Variants in STON1 observed in about 807,000 individuals in gnomAD.
STON1 encodes the protein stonin 1.
STON1 carries 79 observed loss-of-function variants against 60.9 expected under a neutral mutation model. The observed-to-expected ratio is 1.30, with a 90% CI of 1.08 to 1.56. STON1 has a LOEUF of 1.56. Ranked by LOEUF, STON1 falls within the 40% of genes most tolerant of loss-of-function variation. STON1 has a pLI of 0.00. For synonymous variants in STON1, 363 were observed against 306.9 expected (o/e 1.18, Z -1.91); for missense variants, 1,166 against 858.9 (o/e 1.36, Z -4.47).
At chr2:48,592,339 G>T (rs1674567989) in intron 3 of STON1, among the ~76,000 whole-genome samples, 1 of 151,850 alleles carries the variant, frequency 6.6e-6, no homozygotes, top group South Asian at 2.1e-4. Context: ...GTCTTTGTGG[G>T]TATGTGTATG....
intron 3 of STON1, among the ~76,000 whole-genome samples, chr2:48,593,632 A>T (rs1251421686): frequency 1.3e-5 from 2 of 152,190 alleles, no homozygotes; most frequent in Non-Finnish European, 2.9e-5. Context: ...CTCAAATAGC[A>T]TTTTAAAATC....
At chr2:48,589,037 G>T (rs918544301) in intron 2 of STON1, among the ~76,000 whole-genome samples, 2 of 152,208 alleles carry the variant, frequency 1.3e-5, no homozygotes, top group African/African-American at 4.8e-5. Flanking sequence ...GCCAGAGGAG[G>T]TGTATATGGT....
At chr2:48,543,902 TG>T (rs1488353436) in intron 1 of STON1, among the ~76,000 whole-genome samples, 5 of 152,222 alleles carry the variant, frequency 3.3e-5, no homozygotes, top group Non-Finnish European at 7.3e-5. Context: ...GATCCACTTC[TG>T]GGACTAGGTT....
intron 1 of STON1, among the ~76,000 whole-genome samples, chr2:48,535,009 C>T (rs943489876): frequency 1.3e-5 from 2 of 152,038 alleles, no homozygotes; most frequent in African/African-American, 4.8e-5. Context: ...TTCCAGGTAC[C>T]TTATGGGATT....
intron 2 of STON1, among the ~76,000 whole-genome samples, chr2:48,586,203 A>AT (rs1310123932): frequency 6.6e-6 from 1 of 152,180 alleles, no homozygotes; most frequent in Non-Finnish European, 1.5e-5. Context: ...ATAATACTGC[A>AT]TTTTTTTCAG....
At chr2:48,576,498 C>CT (rs35460615) in intron 1 of STON1, among the ~76,000 whole-genome samples, 3,694 of 143,912 alleles carry the variant, frequency 0.026, 95 homozygotes, top group African/African-American at 0.067. Flanking sequence ...CCATATTATC[C>CT]TTTTTTTTTT....
chr2:48,544,313 G>A (rs1034326318), intron 1 of STON1, among the ~76,000 whole-genome samples: 1 of 152,148 alleles, frequency 6.6e-6, no homozygotes, highest in Non-Finnish European at 1.5e-5. Flanking sequence ...CTGTGGCTCA[G>A]AGCACAAAAA....
intron 1 of STON1, among the ~76,000 whole-genome samples, chr2:48,558,030 A>T (rs894747749): frequency 6.6e-6 from 1 of 152,150 alleles, no homozygotes; most frequent in Non-Finnish European, 1.5e-5. Flanking sequence ...CGAGACCAGC[A>T]TGACCAATAT....
chr2:48,567,961 A>G (rs1202077619), intron 1 of STON1, among the ~76,000 whole-genome samples: 1 of 152,190 alleles, frequency 6.6e-6, no homozygotes, highest in Non-Finnish European at 1.5e-5. Flanking sequence ...CTTATTTGAA[A>G]AACAGCCAAT....
rs754880192 is a variant in STON1, at chr2:48,596,300, T to C, written c.*998T>C. On this transcript the variant is annotated 3_prime_UTR_variant, in exon 4 of 4. Transcript: ENST00000404752. Reference sequence around the variant, plus strand: ...ATTAAAAGGTGAGCAAAGTGAAAGATACTTGGTATTTTACCCAGATTTCTA... The same window carrying C: ...ATTAAAAGGTGAGCAAAGTGAAAGACACTTGGTATTTTACCCAGATTTCTA... 2.0e-5 allele frequency: 3 copies of C among 152,232 alleles called. No individual in the cohort carries two copies. The highest frequency in any genetic ancestry group is 4.4e-5 in the Non-Finnish European group (3 of 68,026). The allele number at this position is 152,232 out of a possible 1,614,324, so 9.4% of individuals were successfully genotyped here.
rs150547347 is a variant in STON1, at chr2:48,533,111, C to T, written c.-48+2895C>T. Among the ~76,000 whole-genome samples the T allele has an allele frequency of 7.5e-3, 1,145 of 152,028 alleles. 7 individuals are homozygous for T. Among genetic ancestry groups the T allele is most frequent in the Non-Finnish European group, 0.01 (711 of 67,948 alleles). ...CTTAAAAAAAAAGATGGGCCGGGCG[C>T]GGTGGCTTCCGCTTGTAATCCCAGC... On this transcript the variant is annotated intron_variant, in intron 1 of 3. Coordinates refer to ENST00000404752, the MANE Select transcript of STON1 (RefSeq NM_006873.4).
intron 1 of STON1, among the ~76,000 whole-genome samples, chr2:48,570,571 C>G (rs1001025276): frequency 6.6e-6 from 1 of 152,078 alleles, no homozygotes; most frequent in African/African-American, 2.4e-5. Flanking sequence ...ATTTGTCACA[C>G]ATATTGAGGT....
At chr2:48,578,692 A>G (rs1287237226) in intron 1 of STON1, among the ~76,000 whole-genome samples, 1 of 148,930 alleles carries the variant, frequency 6.7e-6, no homozygotes, top group East Asian at 2.0e-4. Context: ...AGGTTCAAGC[A>G]ATTCTCCTGC....
At chr2:48,573,366 C>G (rs900276706) in intron 1 of STON1, among the ~76,000 whole-genome samples, 2 of 152,176 alleles carry the variant, frequency 1.3e-5, no homozygotes, top group Non-Finnish European at 2.9e-5. Flanking sequence ...GCACTAAAGC[C>G]CATGTATTTA....
chr2:48,549,654 A>T (rs923152234), intron 1 of STON1, among the ~76,000 whole-genome samples: 2 of 151,950 alleles, frequency 1.3e-5, no homozygotes, highest in Admixed American at 1.3e-4. Flanking sequence ...TCTACTAAAA[A>T]TACAAAAATT....
chr2:48,576,190 T>TTTC (rs1673488571), intron 1 of STON1, among the ~76,000 whole-genome samples: 2 of 117,188 alleles, frequency 1.7e-5, no homozygotes, highest in Non-Finnish European at 3.6e-5. Flanking sequence ...CCTTTCTTTT[T>TTTC]TTTTTTTTTT....
At chr2:48,594,043 G>GCT (rs1674669798) in intron 3 of STON1, among the ~76,000 whole-genome samples, 1 of 152,134 alleles carries the variant, frequency 6.6e-6, no homozygotes, top group Non-Finnish European at 1.5e-5. Context: ...CCCAGCTTCA[G>GCT]CTCTCCAGGG....
At chr2:48,588,212 C>T (rs143954718) in intron 2 of STON1, among the ~76,000 whole-genome samples, 17 of 152,262 alleles carry the variant, frequency 1.1e-4, no homozygotes, top group African/African-American at 4.1e-4. Context: ...CCAAGGAATA[C>T]GCTTAGAATA....
chr2:48,580,415 T>C (rs1348391468), intron 1 of STON1, among the ~76,000 whole-genome samples, 172 bp from the exon 2 acceptor site: 1 of 152,124 alleles, frequency 6.6e-6, no homozygotes, highest in African/African-American at 2.4e-5. Context: ...TCTTTAAATC[T>C]AAAGTGAGTA....
Sources: allele counts gnomAD v4.1 joint callset (sites outside exome capture counted in the v4.1 genomes callset), GRCh38; gene constraint gnomAD v4.1.1; transcripts MANE v1.5; gene names NCBI Gene and HGNC (gene_info 2026-07-23, HGNC 2026-07-21).